The following MAP2K4 variants were observed in gnomAD, a reference collection of about 807,000 sequenced individuals.
The protein encoded by MAP2K4 is dual specificity mitogen-activated protein kinase kinase 4.
In MAP2K4, 4 loss-of-function variants were observed where a neutral mutation model predicts 48.5. The ratio of observed to expected loss-of-function variants is 0.08; its 90% CI spans 0.04 to 0.19. MAP2K4 has a LOEUF of 0.19. Among genes scored for constraint, MAP2K4 ranks in the 10% least tolerant of loss-of-function variants. The probability of loss-of-function intolerance (pLI) is 1.00; values close to 1 mark genes in which losing one functional copy is unlikely to be tolerated. For synonymous variants in MAP2K4, 166 were observed against 173.1 expected (o/e 0.96, Z 0.32); for missense variants, 258 against 493.3 (o/e 0.52, Z 4.52).
rs1164597690 is a variant in MAP2K4, at chr17:12,143,089, C to G, written c.*1829C>G. 8.6e-6 allele frequency: 2 copies of G among 233,044 alleles called. No individual in the cohort carries two copies. Among genetic ancestry groups the G allele is most frequent in the African/African-American group, 4.4e-5 (2 of 45,434 alleles). The allele number at this position is 233,044 out of a possible 1,614,324, so 14.4% of individuals were successfully genotyped here. A position where few individuals can be genotyped will look rare whatever the true frequency, so the allele number is the denominator to read the frequency against. Reference sequence around the variant, plus strand: ...TTCCCTATCTTCTCCCCCACGGTATCCTAAACTTTAGACTTCCCACTGTTC... The same window carrying G: ...TTCCCTATCTTCTCCCCCACGGTATGCTAAACTTTAGACTTCCCACTGTTC... On this transcript the variant is annotated 3_prime_UTR_variant, in exon 11 of 11. Coordinates refer to ENST00000353533, the MANE Select transcript of MAP2K4 (RefSeq NM_003010.4).
In MAP2K4 at chr17:12,081,212, C is replaced by T; in HGVS notation, c.219-144C>T. 1 of 571,220 alleles carries T rather than the reference C, an allele frequency of 1.8e-6. No individual in the cohort carries two copies. The highest frequency in any genetic ancestry group is 3.0e-6 in the Non-Finnish European group (1 of 332,522). 35.4% of individuals were successfully genotyped at this position (571,220 alleles called of 1,614,324 possible). A position where few individuals can be genotyped will look rare whatever the true frequency, so the allele number is the denominator to read the frequency against. ...TCCAGTGTGTAAAAAACCAGGATGA[C>T]ACAAATGAAAAACTTCAAAAACCTG... On this transcript the variant is annotated intron_variant, in intron 2 of 10. Coordinates refer to ENST00000353533, the MANE Select transcript of MAP2K4 (RefSeq NM_003010.4). This position sits in a 1 kb window ranked among gnomAD's most constrained non-coding sequence, Gnocchi z 4.2.
intron 1 of MAP2K4, among the ~76,000 whole-genome samples, chr17:12,036,942 G>A (rs367890593): frequency 1.5e-3 from 232 of 151,962 alleles, no homozygotes; most frequent in African/African-American, 5.3e-3. Context: ...GTTCATGGCC[G>A]AAGAGTTCTG....
intron 3 of MAP2K4, among the ~76,000 whole-genome samples, chr17:12,085,124 C>A (rs1320214613): frequency 1.3e-5 from 2 of 152,152 alleles, no homozygotes; most frequent in African/African-American, 4.8e-5. Context: ...AGATTGACTT[C>A]TTGAAGGTAT....
intron 1 of MAP2K4, among the ~76,000 whole-genome samples, chr17:12,028,012 G>T (rs780982483): frequency 4.7e-4 from 72 of 152,218 alleles, no homozygotes; most frequent in South Asian, 1.0e-3. Flanking sequence ...CAGGCTTTTG[G>T]TTGGACATTT....
At chr17:12,094,287 A>G (rs1420413535) in intron 3 of MAP2K4, among the ~76,000 whole-genome samples, 1 of 152,210 alleles carries the variant, frequency 6.6e-6, no homozygotes, top group Non-Finnish European at 1.5e-5. Context: ...TGTTTGGAAT[A>G]TATGGAATTC....
chr17:12,074,432 C>T (rs1175318903), intron 2 of MAP2K4, among the ~76,000 whole-genome samples: 3 of 152,046 alleles, frequency 2.0e-5, no homozygotes, highest in East Asian at 3.9e-4. Context: ...TTTTAGCTTT[C>T]GCAGATGAGA....
At chr17:12,066,217 T>TA (rs1428205638) in intron 2 of MAP2K4, among the ~76,000 whole-genome samples, 1 of 152,052 alleles carries the variant, frequency 6.6e-6, no homozygotes, top group Non-Finnish European at 1.5e-5. Flanking sequence ...TAGTTCATGT[T>TA]ACCCTTTAAA....
intron 1 of MAP2K4, among the ~76,000 whole-genome samples, chr17:12,030,713 G>A (rs1026027918): frequency 3.7e-4 from 56 of 152,128 alleles, no homozygotes; most frequent in African/African-American, 1.3e-3. Flanking sequence ...TTACAAATTT[G>A]TTTTCTTGCT....
chr17:12,125,362 G>A lies in MAP2K4; in HGVS notation c.882G>A (p.Gly294=), dbSNP rs778836717. The A allele has an allele frequency of 2.5e-6, 4 of 1,613,686 alleles. No homozygotes were observed. In the African/African-American group the frequency reaches 4.0e-5, roughly 16 times the overall value. ...YDVRSDVWSL[G]ITLYELATGR... is the part of the protein sequence containing the mutation. Reference sequence around the variant, plus strand: ...TCCGCTCTGATGTCTGGAGTTTGGGGATCACATTGGTATGTTTATGCTGAT... The same window carrying A: ...TCCGCTCTGATGTCTGGAGTTTGGGAATCACATTGGTATGTTTATGCTGAT... The change falls in exon 8 of 11, where the codon GGG becomes GGA. Residue 294 remains glycine (G), a synonymous_variant. Transcript: ENST00000353533.
chr17:12,073,658 A>G (rs1970893523), intron 2 of MAP2K4, among the ~76,000 whole-genome samples: 1 of 152,098 alleles, frequency 6.6e-6, no homozygotes, highest in Non-Finnish European at 1.5e-5. Flanking sequence ...AACTGTACAT[A>G]TTTAAAGCGT....
At chr17:12,042,775 C>T (rs921990900) in intron 1 of MAP2K4, among the ~76,000 whole-genome samples, 1 of 152,204 alleles carries the variant, frequency 6.6e-6, no homozygotes, top group African/African-American at 2.4e-5. Context: ...TGGCCAGGCG[C>T]AGTGGCTCAC....
intron 3 of MAP2K4, among the ~76,000 whole-genome samples, chr17:12,085,354 T>C (rs1289175696): frequency 2.0e-5 from 3 of 151,966 alleles, no homozygotes; most frequent in Non-Finnish European, 2.9e-5. Flanking sequence ...GGAATAAGAA[T>C]GTGTCATGTT....
rs1969560547 is a variant in MAP2K4 at position 12,035,370 on chromosome 17, A to G, written c.115+14369A>G. 3.3e-5 allele frequency among the ~76,000 whole-genome samples: 5 copies of G among 152,264 alleles called. No individual in the cohort carries two copies. The South Asian group carries it at 8.3e-4, about 25-fold the overall frequency. On this transcript the variant is annotated intron_variant, in intron 1 of 10. Coordinates refer to ENST00000353533, the MANE Select transcript of MAP2K4 (RefSeq NM_003010.4). ...CCGCCTCTACTAAAAATACAAAATT[A>G]GCTGGGCGTGGTGGCACACGCCTGT...
At position 12,142,561 on chromosome 17, in the gene MAP2K4, A is replaced by G. The variant is rs1973405189; in HGVS notation, c.*1301A>G. ...GCCCAGCCGATGTGGTAGGTGATAA[A>G]GAGGCATCTTTTCTAGAGACACATT... On this transcript the variant is annotated 3_prime_UTR_variant, in exon 11 of 11. Coordinates refer to ENST00000353533, the MANE Select transcript of MAP2K4 (RefSeq NM_003010.4). The G allele has an allele frequency of 4.3e-6, 1 of 233,050 alleles. No homozygotes were observed. Among genetic ancestry groups the G allele is most frequent in the Non-Finnish European group, 8.5e-6 (1 of 117,946 alleles). The allele number at this position is 233,050 out of a possible 1,614,324, so 14.4% of individuals were successfully genotyped here. A position where few individuals can be genotyped will look rare whatever the true frequency, so the allele number is the denominator to read the frequency against.
intron 9 of MAP2K4, among the ~76,000 whole-genome samples, chr17:12,134,793 A>G (rs1463688175): frequency 2.0e-5 from 3 of 152,266 alleles, no homozygotes; most frequent in Non-Finnish European, 4.4e-5. Context: ...CCTGAAGAGC[A>G]GAGAAACAGC....
At chr17:12,105,166 C>T (rs188099553) in intron 4 of MAP2K4, among the ~76,000 whole-genome samples, 1 of 151,996 alleles carries the variant, frequency 6.6e-6, no homozygotes, top group Non-Finnish European at 1.5e-5. Flanking sequence ...ATTCTTGGCT[C>T]TACTTTAATA....
intron 7 of MAP2K4, among the ~76,000 whole-genome samples, chr17:12,121,574 CAAAAAAAAAA>C (rs10569548): frequency 9.8e-6 from 1 of 101,544 alleles, no homozygotes; most frequent in African/African-American, 4.0e-5. Context: ...GACTCCGTCT[CAAAAAAAAAA>C]AAAAAAAAAA....
chr17:12,127,594 CTT>C (rs1294736491), intron 8 of MAP2K4, among the ~76,000 whole-genome samples: 1 of 152,246 alleles, frequency 6.6e-6, no homozygotes, highest in South Asian at 2.1e-4. Flanking sequence ...TAGGGACAGT[CTT>C]ATAAAAATTG....
At chr17:12,084,898 C>T (rs905612768) in intron 3 of MAP2K4, among the ~76,000 whole-genome samples, 5 of 151,776 alleles carry the variant, frequency 3.3e-5, no homozygotes, top group African/African-American at 1.2e-4. Context: ...AATCAGGATG[C>T]CACAGAAAAT....
Sources: gnomAD v4.1 joint callset for allele counts (sites outside exome capture counted in the v4.1 genomes callset) on GRCh38, gnomAD v4.1.1 for gene constraint, Gnocchi (gnomAD v3.1) non-coding constraint, MANE v1.5 for transcripts, NCBI Gene and HGNC (gene_info 2026-07-23, HGNC 2026-07-21) for gene names.